HPSE2: variants seen among roughly 807,000 people sequenced by gnomAD.
HPSE2 encodes inactive heparanase-2.
Under a neutral mutation model 60.5 loss-of-function variants are expected in HPSE2, and 38 were observed. The ratio of observed to expected loss-of-function variants is 0.63; its 90% CI spans 0.48 to 0.82. The LOEUF is 0.82. Ranked by LOEUF, HPSE2 falls within the 40% of genes least tolerant of loss-of-function variation. HPSE2 has a pLI of 0.00. For synonymous variants in HPSE2, 295 were observed against 293.2 expected, an observed-to-expected ratio of 1.01 and a Z score of -0.06; for missense variants, 713 against 740.4, an observed-to-expected ratio of 0.96 and a Z score of 0.43.
chr10:99,312,355 G>T, the HPSE2 span, among the ~76,000 whole-genome samples: 1 of 152,196 alleles, frequency 6.6e-6, no homozygotes, highest in South Asian at 2.1e-4. Flanking sequence ...TGACTCTCTT[G>T]TTAAGGGTTA....
At chr10:98,904,942 A>C (rs2134994694) in intron 3 of HPSE2, among the ~76,000 whole-genome samples, 1 of 152,204 alleles carries the variant, frequency 6.6e-6, no homozygotes, top group South Asian at 2.1e-4. Flanking sequence ...CAGTGTTCTG[A>C]CTCTTCTGTG....
chr10:98,527,925 C>A (rs187798956), intron 9 of HPSE2, among the ~76,000 whole-genome samples: 369 of 152,254 alleles, frequency 2.4e-3, no homozygotes, highest in Non-Finnish European at 4.4e-3. Flanking sequence ...AATGAATGTA[C>A]CTGAATAGTA....
intron 2 of HPSE2, among the ~76,000 whole-genome samples, chr10:99,160,073 G>C (rs538366934): frequency 6.6e-6 from 1 of 150,580 alleles, no homozygotes; most frequent in East Asian, 2.0e-4. Flanking sequence ...CCTGGGAGGC[G>C]AAGGTTGCAG....
rs547686122 is a variant in HPSE2, at chr10:99,046,645, CA to C, written c.610+97592del. On this transcript the variant is annotated intron_variant, in intron 3 of 11. Coordinates refer to ENST00000370552, the MANE Select transcript of HPSE2 (RefSeq NM_021828.5). Reference sequence around the variant, plus strand: ...TTAATAAGGTTTCAGGATACAAAATCAATATACACAAATCAGTAGCATTTCC... The same window carrying C: ...TTAATAAGGTTTCAGGATACAAAATCATATACACAAATCAGTAGCATTTCC... Among the ~76,000 whole-genome samples, 213 of 152,168 alleles carry C rather than the reference CA, an allele frequency of 1.4e-3. 1 individual carries two copies. Among genetic ancestry groups the C allele is most frequent in the Middle Eastern group, 0.01 (3 of 294 alleles).
chr10:99,008,255 T>C (rs1653693108), intron 3 of HPSE2, among the ~76,000 whole-genome samples: 1 of 152,234 alleles, frequency 6.6e-6, no homozygotes, highest in African/African-American at 2.4e-5. Context: ...GCATGAGTCA[T>C]TGTTTTCTTT....
chr10:98,989,636 T>TA, intron 3 of HPSE2, among the ~76,000 whole-genome samples: 1 of 148,850 alleles, frequency 6.7e-6, no homozygotes, highest in East Asian at 2.0e-4. Flanking sequence ...CCCTAATACT[T>TA]AAAGTATAAT....
intron 3 of HPSE2, among the ~76,000 whole-genome samples, chr10:99,059,231 A>G (rs1958180837): frequency 6.6e-6 from 1 of 152,206 alleles, no homozygotes; most frequent in African/African-American, 2.4e-5. Flanking sequence ...TACAAGTTTC[A>G]GCTTTAGAAT....
At chr10:99,299,620 G>A in the HPSE2 span, among the ~76,000 whole-genome samples, 26 of 152,140 alleles carry the variant, frequency 1.7e-4, no homozygotes, top group Admixed American at 1.1e-3. Flanking sequence ...GCCATGTATC[G>A]TGTGGGAAGA....
At chr10:98,636,389 G>C (rs1946502797) in intron 7 of HPSE2, among the ~76,000 whole-genome samples, 1 of 151,980 alleles carries the variant, frequency 6.6e-6, no homozygotes, top group South Asian at 2.1e-4. Flanking sequence ...ACATGTGCCT[G>C]CCACCATGCC....
the HPSE2 span, among the ~76,000 whole-genome samples, chr10:99,263,801 T>A: frequency 8.5e-5 from 13 of 152,150 alleles, no homozygotes; most frequent in Admixed American, 2.0e-4. Flanking sequence ...ACCTCTTGCA[T>A]GTAGGTTACA....
chr10:99,231,984 A>T (rs1481302423), intron 2 of HPSE2, among the ~76,000 whole-genome samples: 2 of 151,988 alleles, frequency 1.3e-5, no homozygotes, highest in Non-Finnish European at 1.5e-5. Flanking sequence ...CTGCATCTAC[A>T]CCCCGCAGGA....
At chr10:98,736,773 T>C (rs1420580094) in intron 4 of HPSE2, among the ~76,000 whole-genome samples, 1 of 152,202 alleles carries the variant, frequency 6.6e-6, no homozygotes, top group Non-Finnish European at 1.5e-5. Flanking sequence ...GACTAGAATT[T>C]CTTTGTTCTG....
In HPSE2 at chr10:98,459,060, G is replaced by T; in HGVS notation, c.*514C>A. ...CTGACACACCCATTACTCCCCTATG[G>T]AAAGAGATGTGTCAAAAAACTCAGG... On this transcript the variant is annotated 3_prime_UTR_variant, in exon 12 of 12. Transcript: ENST00000370552. 4.8e-6 allele frequency: 1 copy of T among 206,572 alleles called. No individual in the cohort carries two copies. Among genetic ancestry groups the T allele is most frequent in the Non-Finnish European group, 9.9e-6 (1 of 101,272 alleles). 12.8% of individuals were successfully genotyped at this position (206,572 alleles called of 1,614,324 possible).
chr10:99,005,782 CTA>C (rs1216426708), intron 3 of HPSE2, among the ~76,000 whole-genome samples: 1 of 152,142 alleles, frequency 6.6e-6, no homozygotes, highest in Non-Finnish European at 1.5e-5. Flanking sequence ...GGAATTCACT[CTA>C]GTTTTTGCTG....
At position 98,938,767 on chromosome 10, in the gene HPSE2, C is replaced by T. The variant is rs1406405127; in HGVS notation, c.611-194711G>A. 1.6e-4 allele frequency among the ~76,000 whole-genome samples: 23 copies of T among 143,114 alleles called. 4 individuals are homozygous for T. The highest frequency in any genetic ancestry group is 6.3e-4 in the Admixed American group (9 of 14,378). The allele number at this position is 143,114 out of a possible 152,430, so 93.9% of individuals were successfully genotyped here. The stretch of plus-strand genomic sequence containing the variant: ...AAGATACTCCTCAAGAAGAGCAACC[C>T]CAAGACACATCATTGTCAGATTCAC... On this transcript the variant is annotated intron_variant, in intron 3 of 11. Transcript: ENST00000370552.
rs925342399 is a variant in HPSE2 at position 99,037,263 on chromosome 10, T to C, written c.610+106975A>G. On this transcript the variant is annotated intron_variant, in intron 3 of 11. Transcript: ENST00000370552. ...TAATGTGGTATCCTGTATTAGATCC[T>C]GGGACACAAAAAGGACATTGGTAGA... Among the ~76,000 whole-genome samples the C allele has an allele frequency of 4.6e-5, 7 of 152,132 alleles. No individual in the cohort carries two copies. In the East Asian group the frequency reaches 1.3e-3, roughly 29 times the overall value.
intron 3 of HPSE2, among the ~76,000 whole-genome samples, chr10:98,837,092 T>C (rs1951807624): frequency 6.6e-6 from 1 of 152,180 alleles, no homozygotes; most frequent in South Asian, 2.1e-4. Context: ...TTATAATCTT[T>C]AATCACATGT....
chr10:98,733,637 A>T (rs1002992001), intron 4 of HPSE2, among the ~76,000 whole-genome samples: 5 of 152,158 alleles, frequency 3.3e-5, no homozygotes, highest in African/African-American at 9.7e-5. Context: ...TTTATCAGGC[A>T]CTTTATTTAG....
In HPSE2 at chr10:98,698,568, C is replaced by A. The variant is rs11528118; in HGVS notation, c.957-4621G>T. Reference sequence around the variant, plus strand: ...GATCCAAAATTGACACCCTAACATCCCAATTAAAAGAACTAGAAAAGCAAG... The same window carrying A: ...GATCCAAAATTGACACCCTAACATCACAATTAAAAGAACTAGAAAAGCAAG... On this transcript the variant is annotated intron_variant, in intron 5 of 11. Coordinates refer to ENST00000370552, the MANE Select transcript of HPSE2 (RefSeq NM_021828.5). Among the ~76,000 whole-genome samples the A allele has an allele frequency of 0.017, 2,607 of 151,730 alleles. 115 individuals are homozygous for A. In the East Asian group the frequency reaches 0.17, roughly 10 times the overall value.
Sources: gnomAD v4.1 joint callset for allele counts (sites outside exome capture counted in the v4.1 genomes callset) on GRCh38, gnomAD v4.1.1 for gene constraint, MANE v1.5 for transcripts, NCBI Gene and HGNC (gene_info 2026-07-23, HGNC 2026-07-21) for gene names.